ME2: variants seen among roughly 807,000 people sequenced by gnomAD.
The protein encoded by ME2 is malic enzyme 2, also known as NAD-dependent malic enzyme, mitochondrial.
In ME2, 60 loss-of-function variants were observed where a neutral mutation model predicts 73.7. The ratio of observed to expected loss-of-function variants is 0.81; its 90% confidence interval spans 0.66 to 1.01. The LOEUF is 1.01. ME2 is among the 50% of genes least tolerant of loss of function. ME2 has a pLI of 0.00. For missense variants in ME2, 594 were observed against 705.5 expected (o/e 0.84, Z 1.79); for synonymous variants, 199 against 236.9 (o/e 0.84, Z 1.47).
chr18:50,912,085 C>T (rs1917171552), intron 3 of ME2, among the ~76,000 whole-genome samples: 1 of 152,018 alleles, frequency 6.6e-6, no homozygotes, highest in Non-Finnish European at 1.5e-5. Flanking sequence ...AGGAATAAAT[C>T]AAGAATGGAA....
At chr18:50,879,435 T>G (rs1655842375) in intron 1 of ME2, 127 bp downstream of exon 1, 1 of 152,066 alleles carries the variant, frequency 6.6e-6, no homozygotes. Context: ...GCCCCCGCCG[T>G]TCCCGGCCTG....
At chr18:50,883,720 C>T (rs1472727431) in intron 1 of ME2, among the ~76,000 whole-genome samples, 3 of 152,010 alleles carry the variant, frequency 2.0e-5, no homozygotes, top group East Asian at 1.9e-4. Flanking sequence ...AAAAAGTAAA[C>T]GGGCATGGTG....
At chr18:50,929,735 T>C (rs1191702841) in intron 12 of ME2, among the ~76,000 whole-genome samples, 2 of 152,178 alleles carry the variant, frequency 1.3e-5, no homozygotes, top group East Asian at 3.9e-4. Flanking sequence ...CTTGATTGCC[T>C]GTCCTCTTCA....
At chr18:50,930,281 G>A (rs926766147) in intron 12 of ME2, among the ~76,000 whole-genome samples, 2 of 152,008 alleles carry the variant, frequency 1.3e-5, no homozygotes, top group African/African-American at 4.8e-5. Flanking sequence ...AATAAAAAGA[G>A]CATGGTGTCA....
chr18:50,951,761 C>G lies in ME2; in HGVS notation c.*4577C>G, dbSNP rs573530041. ...GGCGTGGTGGCGGGCGCCTGTAGTC[C>G]CAGGTACTCGGGAGTCTGAGGAGTG... On this transcript the variant is annotated 3_prime_UTR_variant, in exon 16 of 16. Coordinates refer to ENST00000321341, the MANE Select transcript of ME2 (RefSeq NM_002396.5). The G allele has an allele frequency of 6.7e-6, 1 of 150,354 alleles. No homozygotes were observed. Among genetic ancestry groups the G allele is most frequent in the African/African-American group, 2.5e-5 (1 of 40,762 alleles). 9.3% of individuals were successfully genotyped at this position (150,354 alleles called of 1,614,324 possible).
intron 5 of ME2, chr18:50,916,742 C>A (rs923078072): frequency 4.6e-5 from 7 of 152,114 alleles, no homozygotes; most frequent in African/African-American, 1.7e-4. Context: ...ATTTCAAGAT[C>A]TTTGGGTAGG....
In ME2 at chr18:50,948,791, C is replaced by T. The variant is rs988862822; in HGVS notation, c.*1607C>T. On this transcript the variant is annotated 3_prime_UTR_variant, in exon 16 of 16. Coordinates refer to ENST00000321341, the MANE Select transcript of ME2 (RefSeq NM_002396.5). ...TTTCCTGACCTCGCGATCCGCCCACCTCAGCCTTCCAAAGTGCTGGGATTA... is the reference window on the plus strand; with the variant it reads ...TTTCCTGACCTCGCGATCCGCCCACTTCAGCCTTCCAAAGTGCTGGGATTA... 7 of 151,414 alleles carry T rather than the reference C, an allele frequency of 4.6e-5. No homozygotes were observed. The South Asian group carries it at 6.2e-4, about 13-fold the overall frequency. 9.4% of individuals were successfully genotyped at this position (151,414 alleles called of 1,614,324 possible).
intron 1 of ME2, among the ~76,000 whole-genome samples, chr18:50,882,746 C>G (rs533958065): frequency 1.4e-3 from 210 of 152,132 alleles, no homozygotes; most frequent in East Asian, 0.011. Context: ...GTCAGGAGTT[C>G]GAGACCAGCC....
intron 13 of ME2, chr18:50,939,140 G>GAAAAAAAAAAAAAAA (rs56350434): frequency 4.2e-5 from 5 of 118,480 alleles, no homozygotes; most frequent in East Asian, 2.3e-4. Context: ...AAAAAAAAAA[G>GAAAAAAAAAAAAAAA]AAAAAAAAAA....
In ME2 at chr18:50,947,232, T is replaced by C. The variant is rs189391908; in HGVS notation, c.*48T>C. 5 of 1,564,496 alleles carry C rather than the reference T, an allele frequency of 3.2e-6. No homozygotes were observed. The highest frequency in any genetic ancestry group is 4.4e-6 in the Non-Finnish European group (5 of 1,146,018). ...TTCTGTGCTCCAGGGAACCCCTTTTTTCAGACAAGAAGAGATAATGTCTTC... is the reference window on the plus strand; with the variant it reads ...TTCTGTGCTCCAGGGAACCCCTTTTCTCAGACAAGAAGAGATAATGTCTTC... On this transcript the variant is annotated 3_prime_UTR_variant, in exon 16 of 16. Coordinates refer to ENST00000321341, the MANE Select transcript of ME2 (RefSeq NM_002396.5).
At chr18:50,900,081 C>T (rs989560949) in intron 2 of ME2, among the ~76,000 whole-genome samples, 1 of 152,034 alleles carries the variant, frequency 6.6e-6, no homozygotes, top group Non-Finnish European at 1.5e-5. Flanking sequence ...CACCTCTTTT[C>T]CCCATGTACT....
intron 12 of ME2, among the ~76,000 whole-genome samples, chr18:50,931,794 G>C (rs1256369315): frequency 2.0e-5 from 3 of 151,674 alleles, no homozygotes; most frequent in Non-Finnish European, 4.4e-5. Flanking sequence ...CCCGCCTCAG[G>C]CTCCTGAGTA....
At chr18:50,921,681 A>G (rs536100536) in intron 10 of ME2, among the ~76,000 whole-genome samples, 8 of 152,192 alleles carry the variant, frequency 5.3e-5, no homozygotes, top group South Asian at 4.2e-4. Flanking sequence ...GGTTCAAGCA[A>G]TTCTCCTGCC....
chr18:50,907,417 C>T (rs1381027402), intron 2 of ME2, among the ~76,000 whole-genome samples: 1 of 152,188 alleles, frequency 6.6e-6, no homozygotes, highest in African/African-American at 2.4e-5. Context: ...GAAGTTGCTT[C>T]TGGTTATTTG....
At chr18:50,920,870 G>A in intron 9 of ME2, 112 bp downstream of exon 9, 1 of 831,950 alleles carries the variant, frequency 1.2e-6, no homozygotes, top group African/African-American at 1.8e-5. Context: ...ATTTTGTTGA[G>A]GTAGAGGATA....
chr18:50,903,396 G>T (rs1916937344), intron 2 of ME2, among the ~76,000 whole-genome samples: 1 of 152,040 alleles, frequency 6.6e-6, no homozygotes. Flanking sequence ...ATAGGAAATA[G>T]GCAGTGCAGC....
At chr18:50,887,151 A>C (rs1408026504) in intron 1 of ME2, among the ~76,000 whole-genome samples, 1 of 152,224 alleles carries the variant, frequency 6.6e-6, no homozygotes, top group Admixed American at 6.5e-5. Flanking sequence ...TGAGTAAATA[A>C]GTATAATATA....
chr18:50,910,250 A>G, intron 3 of ME2, among the ~76,000 whole-genome samples: 1 of 106,190 alleles, frequency 9.4e-6, no homozygotes, highest in Admixed American at 1.2e-4. Context: ...TGGGCAACAG[A>G]GTGGGACCCT....
At chr18:50,902,284 T>C (rs1485924026) in intron 2 of ME2, among the ~76,000 whole-genome samples, 2 of 152,232 alleles carry the variant, frequency 1.3e-5, no homozygotes. Context: ...GTTAATTTAT[T>C]TGTTTATATT....
Sources: gnomAD v4.1 joint callset for allele counts (sites outside exome capture counted in the v4.1 genomes callset) on GRCh38, gnomAD v4.1.1 for gene constraint, MANE v1.5 for transcripts, NCBI Gene and HGNC (gene_info 2026-07-23, HGNC 2026-07-21) for gene names.